The following SAMD5 variants were observed in gnomAD, a reference collection of about 807,000 sequenced individuals.
SAMD5 encodes the protein sterile alpha motif domain-containing protein 5.
Under a neutral mutation model 11.3 loss-of-function variants are expected in SAMD5, and 13 were observed. The ratio of observed to expected loss-of-function variants is 1.15; its 90% CI spans 0.75 to 1.83. The LOEUF (loss-of-function observed/expected upper bound fraction) is 1.83. Ranked by LOEUF, SAMD5 falls within the 40% of genes most tolerant of loss-of-function variation. SAMD5 has a pLI of 0.00. For synonymous variants in SAMD5, 129 were observed against 111.3 expected (o/e 1.16, Z -1.00); for missense variants, 255 against 239.1 (o/e 1.07, Z -0.44).
At chr6:147,575,273 G>C (rs1046877906) in intron 1 of SAMD5, among the ~76,000 whole-genome samples, 2 of 152,230 alleles carry the variant, frequency 1.3e-5, no homozygotes, top group African/African-American at 4.8e-5. Context: ...GAGCCCCTCT[G>C]TCATATCTGG....
In SAMD5 at chr6:147,569,933, G is replaced by A. The variant is rs563840387; in HGVS notation, c.*5477G>A. The A allele has an allele frequency of 2.0e-5, 20 of 984,812 alleles. No individual in the cohort carries two copies. The South Asian group carries it at 7.5e-4, about 37-fold the overall frequency. The allele number at this position is 984,812 out of a possible 1,614,324, so 61.0% of individuals were successfully genotyped here. A position where few individuals can be genotyped will look rare whatever the true frequency, so the allele number is the denominator to read the frequency against. ...CACTATGAAAAGCCTAATTGGAATAGCATTATGAACCATGTAATGCATGCC... is the reference window on the plus strand; with the variant it reads ...CACTATGAAAAGCCTAATTGGAATAACATTATGAACCATGTAATGCATGCC... On this transcript the variant is annotated 3_prime_UTR_variant, in exon 2 of 2. Coordinates refer to ENST00000367474, the MANE Select transcript of SAMD5 (RefSeq NM_001030060.3).
At chr6:147,748,784 C>A in the SAMD5 span, among the ~76,000 whole-genome samples, 2 of 152,172 alleles carry the variant, frequency 1.3e-5, no homozygotes, top group Non-Finnish European at 2.9e-5. Flanking sequence ...CCTAAAAAAG[C>A]AAATTCTGGA....
chr6:147,870,801 G>A, the SAMD5 span, among the ~76,000 whole-genome samples: 8 of 142,448 alleles, frequency 5.6e-5, no homozygotes, highest in Non-Finnish European at 1.5e-5. Flanking sequence ...AAGGGAAGAG[G>A]GAAGGGGAGG....
At chr6:147,684,413 T>C (rs746475331) in intron 1 of SAMD5, among the ~76,000 whole-genome samples, 2 of 152,332 alleles carry the variant, frequency 1.3e-5, no homozygotes, top group Non-Finnish European at 2.9e-5. Context: ...CACAGTGTTG[T>C]ATATAATTTT....
chr6:147,903,383 G>A, the SAMD5 span, among the ~76,000 whole-genome samples: 2 of 152,012 alleles, frequency 1.3e-5, no homozygotes, highest in African/African-American at 4.8e-5. Flanking sequence ...CTAACACCCT[G>A]AACATCTTCT....
At chr6:147,609,572 C>T (rs953000559) in intron 1 of SAMD5, among the ~76,000 whole-genome samples, 10 of 152,030 alleles carry the variant, frequency 6.6e-5, no homozygotes, top group African/African-American at 1.2e-4. Context: ...TTCTTTGAGA[C>T]GGAATCTCAC....
chr6:147,834,325 G>C, the SAMD5 span, among the ~76,000 whole-genome samples: 1 of 152,168 alleles, frequency 6.6e-6, no homozygotes, highest in African/African-American at 2.4e-5. Flanking sequence ...TCAGTCATAT[G>C]ACTGATCTGT....
At chr6:147,909,579 T>TC in the SAMD5 span, among the ~76,000 whole-genome samples, 1 of 61,658 alleles carries the variant, frequency 1.6e-5, no homozygotes, top group African/African-American at 9.8e-5. Flanking sequence ...TTTCTTTCTT[T>TC]CTTTCTTTCT....
intron 1 of SAMD5, among the ~76,000 whole-genome samples, chr6:147,718,145 TAC>T (rs1356568007): frequency 1.3e-5 from 2 of 152,322 alleles, no homozygotes; most frequent in East Asian, 3.9e-4. Context: ...AATTAATTTT[TAC>T]AGTGATGGAA....
chr6:147,540,345 G>C (rs574339758), intron 1 of SAMD5, among the ~76,000 whole-genome samples: 1 of 152,330 alleles, frequency 6.6e-6, no homozygotes, highest in Admixed American at 6.5e-5. Flanking sequence ...AAGGAGCCTA[G>C]AGAAGCCAGT....
At chr6:147,880,290 C>T in the SAMD5 span, among the ~76,000 whole-genome samples, 1 of 152,106 alleles carries the variant, frequency 6.6e-6, no homozygotes, top group Non-Finnish European at 1.5e-5. Flanking sequence ...CTCTCTGTCT[C>T]TCTGTCTCAT....
At chr6:147,891,699 CT>C in the SAMD5 span, among the ~76,000 whole-genome samples, 3 of 152,002 alleles carry the variant, frequency 2.0e-5, no homozygotes, top group African/African-American at 7.3e-5. Context: ...CATTTCTGAA[CT>C]CATTTAAGCT....
chr6:147,940,834 T>C, the SAMD5 span, among the ~76,000 whole-genome samples: 2 of 152,096 alleles, frequency 1.3e-5, no homozygotes, highest in Non-Finnish European at 2.9e-5. Context: ...TGATGGTGCA[T>C]GCCTGTAGTC....
chr6:147,857,485 G>A, the SAMD5 span, among the ~76,000 whole-genome samples: 5 of 151,890 alleles, frequency 3.3e-5, no homozygotes, highest in Non-Finnish European at 7.4e-5. Flanking sequence ...CTGCACTCCA[G>A]CCTGAGTGAC....
chr6:147,667,530 G>A (rs1465739495), intron 1 of SAMD5, among the ~76,000 whole-genome samples: 1 of 152,120 alleles, frequency 6.6e-6, no homozygotes. Context: ...TGTCCTGTTT[G>A]CATTTTCTGT....
chr6:147,789,990 G>A, the SAMD5 span, among the ~76,000 whole-genome samples: 1 of 152,206 alleles, frequency 6.6e-6, no homozygotes, highest in African/African-American at 2.4e-5. Context: ...TTGCTGGTGG[G>A]AGTGCAAAAT....
intron 1 of SAMD5, among the ~76,000 whole-genome samples, chr6:147,623,509 T>TACACAGGA (rs1287784511): frequency 6.6e-6 from 1 of 152,216 alleles, no homozygotes; most frequent in East Asian, 1.9e-4. Flanking sequence ...CCCACTGACA[T>TACACAGGA]ACACAGGAAG....
At chr6:147,610,038 T>G (rs191575852) in intron 1 of SAMD5, among the ~76,000 whole-genome samples, 47 of 152,348 alleles carry the variant, frequency 3.1e-4, no homozygotes, top group African/African-American at 1.1e-3. Flanking sequence ...GAACCAAGTA[T>G]GAAGATTGCA....
rs536384390 is a variant in SAMD5, at chr6:147,658,782, T to C, written c.163-78535T>C. On this transcript the variant is annotated intron_variant, in intron 1 of 1. Coordinates refer to the SAMD5 transcript ENST00000566741. ...ATTATGTTTATTTTGTGAGAACTGA[T>C]CTCAATCTTCTTTGGCTTTATACTA... Among the ~76,000 whole-genome samples, 11 of 152,292 alleles carry C rather than the reference T, an allele frequency of 7.2e-5. No homozygotes were observed. In the South Asian group the frequency reaches 2.3e-3, roughly 32 times the overall value.
Sources: gnomAD v4.1 joint callset for allele counts (sites outside exome capture counted in the v4.1 genomes callset) on GRCh38, gnomAD v4.1.1 for gene constraint, MANE v1.5 for transcripts, NCBI Gene and HGNC (gene_info 2026-07-23, HGNC 2026-07-21) for gene names.